UBE2E2: variants seen among roughly 807,000 people sequenced by gnomAD.
UBE2E2 encodes ubiquitin conjugating enzyme E2 E2.
Under a neutral mutation model 24.7 loss-of-function variants are expected in UBE2E2, and 6 were observed. That is an observed-to-expected ratio of 0.24 (90% CI 0.13 to 0.48). UBE2E2 has a LOEUF of 0.48. Among genes scored for constraint, UBE2E2 ranks in the 20% least tolerant of loss-of-function variants. The pLI is 0.99. For missense variants in UBE2E2, 169 were observed against 245.0 expected (o/e 0.69, Z 2.07); for synonymous variants, 104 against 83.6 (o/e 1.24, Z -1.33).
chr3:23,483,564 T>G (rs1380865969), intron 3 of UBE2E2, among the ~76,000 whole-genome samples: 2 of 152,200 alleles, frequency 1.3e-5, no homozygotes, highest in African/African-American at 4.8e-5. Context: ...GTGGATTTTA[T>G]TATGTGTTTC....
chr3:23,256,389 C>G (rs146066180), intron 3 of UBE2E2, among the ~76,000 whole-genome samples: 2 of 152,084 alleles, frequency 1.3e-5, no homozygotes, highest in African/African-American at 2.4e-5. Flanking sequence ...TTTTTATTAG[C>G]CTTTTAAAGG....
At chr3:23,255,023 C>T (rs1344429268) in intron 3 of UBE2E2, among the ~76,000 whole-genome samples, 8 of 150,868 alleles carry the variant, frequency 5.3e-5, no homozygotes, top group African/African-American at 1.5e-4. Flanking sequence ...TATAACCTGG[C>T]CATCTTAAGA....
chr3:23,418,310 C>T (rs1002395101), intron 3 of UBE2E2, among the ~76,000 whole-genome samples: 1 of 152,138 alleles, frequency 6.6e-6, no homozygotes, highest in Non-Finnish European at 1.5e-5. Context: ...GCTAGGGGAG[C>T]GAGTTCCTGG....
intron 2 of UBE2E2, among the ~76,000 whole-genome samples, chr3:23,210,415 G>T (rs1465436604): frequency 6.6e-6 from 1 of 152,122 alleles, no homozygotes; most frequent in African/African-American, 2.4e-5. Flanking sequence ...CCTCTAACTG[G>T]GAGCACCACT....
At chr3:23,383,023 G>C (rs1394969421) in intron 3 of UBE2E2, among the ~76,000 whole-genome samples, 3 of 152,136 alleles carry the variant, frequency 2.0e-5, no homozygotes, top group Admixed American at 6.5e-5. Flanking sequence ...CTTTTAATAA[G>C]AGTAACATTT....
At chr3:23,205,625 CTA>C in intron 1 of UBE2E2, among the ~76,000 whole-genome samples, 1 of 152,022 alleles carries the variant, frequency 6.6e-6, no homozygotes, top group Non-Finnish European at 1.5e-5. Flanking sequence ...CTAAAAGTTC[CTA>C]TAGTGGTTAT....
At chr3:23,347,674 C>T (rs1695603743) in intron 3 of UBE2E2, among the ~76,000 whole-genome samples, 1 of 152,140 alleles carries the variant, frequency 6.6e-6, no homozygotes, top group Non-Finnish European at 1.5e-5. Context: ...GCACATTGTG[C>T]ACATGTACCC....
intron 3 of UBE2E2, among the ~76,000 whole-genome samples, chr3:23,268,468 A>T (rs1298939542): frequency 2.2e-4 from 33 of 151,794 alleles, no homozygotes; most frequent in South Asian, 4.2e-4. Flanking sequence ...TCAAAGAGAA[A>T]AAAATACCTA....
chr3:23,369,222 G>A (rs576177272), intron 3 of UBE2E2, among the ~76,000 whole-genome samples: 2 of 152,242 alleles, frequency 1.3e-5, no homozygotes, highest in South Asian at 4.1e-4. Flanking sequence ...AAGGAATCCA[G>A]AATTAGCCTG....
rs554088249 is a variant in UBE2E2, at chr3:23,520,918, C to A, written c.361-11636C>A. 2.0e-5 allele frequency among the ~76,000 whole-genome samples: 3 copies of A among 152,300 alleles called. No individual in the cohort carries two copies. In the East Asian group the frequency reaches 5.8e-4, roughly 29 times the overall value. ...TCAGCCTCCCAAAGTGTTGGGATTA[C>A]AGGTGTTAGCCACCAAGCCCAGCTC... On this transcript the variant is annotated intron_variant, in intron 4 of 5. Coordinates refer to ENST00000396703, the MANE Select transcript of UBE2E2 (RefSeq NM_152653.4).
At chr3:23,435,708 T>C (rs1698162058) in intron 3 of UBE2E2, among the ~76,000 whole-genome samples, 1 of 152,196 alleles carries the variant, frequency 6.6e-6, no homozygotes, top group Admixed American at 6.5e-5. Flanking sequence ...TTCCTCAAGC[T>C]GACAAGAAAC....
Position 23,474,548 on chromosome 3 carries a change from G to C in UBE2E2, c.228-25060G>C, listed in dbSNP as rs536880354. Among the ~76,000 whole-genome samples the C allele has an allele frequency of 5.3e-4, 80 of 152,118 alleles. No individual in the cohort carries two copies. The highest frequency in any genetic ancestry group is 1.3e-3 in the Admixed American group (20 of 15,294). ...GGAATTTATTGTTGAAGGGGGCTTT[G>C]GTGATATCTAATCCACCTTCCTCAT... On this transcript the variant is annotated intron_variant, in intron 3 of 5. Transcript: ENST00000396703. This position sits in a 1 kb window ranked among gnomAD's most constrained non-coding sequence, Gnocchi z 4.0.
intron 3 of UBE2E2, among the ~76,000 whole-genome samples, chr3:23,423,037 A>G (rs1697841299): frequency 6.6e-6 from 1 of 152,198 alleles, no homozygotes; most frequent in Admixed American, 6.5e-5. Flanking sequence ...GTGTCTGCTT[A>G]CATAATGAAG....
At chr3:23,384,716 T>G (rs541398944) in intron 3 of UBE2E2, among the ~76,000 whole-genome samples, 1 of 151,806 alleles carries the variant, frequency 6.6e-6, no homozygotes, top group East Asian at 2.0e-4. Context: ...CTAATTTTTG[T>G]ATTTTTATTA....
intron 5 of UBE2E2, among the ~76,000 whole-genome samples, chr3:23,542,366 A>G (rs1043496190): frequency 4.6e-5 from 7 of 152,212 alleles, no homozygotes; most frequent in African/African-American, 1.7e-4. Context: ...TTAATAGTCC[A>G]TGTCCAATTT....
chr3:23,499,499 C>T, intron 3 of UBE2E2, 109 bp from the exon 4 acceptor site: 5 of 1,367,136 alleles, frequency 3.7e-6, no homozygotes, highest in Admixed American at 2.5e-5. Context: ...AACTGATTAA[C>T]TTTTTGTGTT....
intron 2 of UBE2E2, among the ~76,000 whole-genome samples, chr3:23,213,504 T>C (rs1370640737): frequency 6.6e-6 from 1 of 152,096 alleles, no homozygotes; most frequent in Non-Finnish European, 1.5e-5. Flanking sequence ...GGTGGAGTAA[T>C]ATACATTGAA....
chr3:23,274,881 G>A (rs1212390268), intron 3 of UBE2E2, among the ~76,000 whole-genome samples: 1 of 152,020 alleles, frequency 6.6e-6, no homozygotes, highest in Admixed American at 6.6e-5. Flanking sequence ...GATAAATATT[G>A]CCTAATTGCC....
Position 23,583,716 on chromosome 3 carries a change from T to C in UBE2E2, c.509-6018T>C, listed in dbSNP as rs1372583298. Among the ~76,000 whole-genome samples the C allele has an allele frequency of 6.6e-6, 1 of 152,226 alleles. No individual in the cohort carries two copies. The highest frequency in any genetic ancestry group is 2.4e-5 in the African/African-American group (1 of 41,466). On this transcript the variant is annotated intron_variant, in intron 5 of 5. Coordinates refer to ENST00000396703, the MANE Select transcript of UBE2E2 (RefSeq NM_152653.4). This position sits in a 1 kb window ranked among gnomAD's most constrained non-coding sequence, Gnocchi z 4.1. ...TGTGTTCTTGTTTTGGCTCTCAGCC[T>C]GTATGGTGTTGATGCATAGAAATGC...
Sources: allele counts gnomAD v4.1 joint callset (sites outside exome capture counted in the v4.1 genomes callset), GRCh38; gene constraint gnomAD v4.1.1; non-coding constraint Gnocchi (gnomAD v3.1); transcripts MANE v1.5; gene names NCBI Gene and HGNC (gene_info 2026-07-23, HGNC 2026-07-21).